The following ZNF521 variants were observed in gnomAD, a reference collection of about 807,000 sequenced individuals.
The protein encoded by ZNF521 is zinc finger protein 521.
Under a neutral mutation model 105.5 loss-of-function variants are expected in ZNF521, and 14 were observed. The ratio of observed to expected loss-of-function variants is 0.13; its 90% CI spans 0.09 to 0.21. ZNF521 has a LOEUF of 0.21. ZNF521 is among the 10% of genes least tolerant of loss of function. ZNF521 has a pLI of 1.00. For synonymous variants in ZNF521, 635 were observed against 606.0 expected, an observed-to-expected ratio of 1.05 and a Z score of -0.70; for missense variants, 1,233 against 1,629.7, an observed-to-expected ratio of 0.76 and a Z score of 4.19.
In ZNF521 at chr18:25,197,038, A is replaced by G. The variant is rs56791381; in HGVS notation, c.3574-1794T>C. Among the ~76,000 whole-genome samples, 945 of 151,908 alleles carry G rather than the reference A, an allele frequency of 6.2e-3. 7 individuals are homozygous for G. The highest frequency in any genetic ancestry group is 0.021 in the African/African-American group (890 of 41,502). On this transcript the variant is annotated intron_variant, in intron 4 of 7. Coordinates refer to ENST00000361524, the MANE Select transcript of ZNF521 (RefSeq NM_015461.3). ...GGGCTTTTTTTTCCCCAGTCTAATA[A>G]TAAAGAATAAAATCACTTGAAAAGC...
intron 3 of ZNF521, among the ~76,000 whole-genome samples, chr18:25,269,773 T>G (rs1909520741): frequency 6.6e-6 from 1 of 152,212 alleles, no homozygotes; most frequent in Non-Finnish European, 1.5e-5. Flanking sequence ...CCAGAATCTC[T>G]GGGACACATT....
chr18:25,328,842 G>A (rs532575678), intron 2 of ZNF521, among the ~76,000 whole-genome samples: 45 of 152,280 alleles, frequency 3.0e-4, no homozygotes, highest in African/African-American at 1.0e-3. Context: ...GTGAGCCATC[G>A]CGCTGGCCTA....
intron 5 of ZNF521, among the ~76,000 whole-genome samples, chr18:25,133,609 A>T (rs2034678983): frequency 6.6e-6 from 1 of 152,212 alleles, no homozygotes; most frequent in African/African-American, 2.4e-5. Context: ...GTGTATCTAA[A>T]CATATCCATA....
intron 2 of ZNF521, among the ~76,000 whole-genome samples, chr18:25,349,003 A>G (rs1914582360): frequency 6.6e-6 from 1 of 152,142 alleles, no homozygotes; most frequent in South Asian, 2.1e-4. Flanking sequence ...GGTGAACCAA[A>G]TGCTCAGAAG....
chr18:25,065,671 AATGTTTAAGTGCTT>A (rs2033040434), intron 7 of ZNF521, among the ~76,000 whole-genome samples: 1 of 152,304 alleles, frequency 6.6e-6, no homozygotes, highest in South Asian at 2.1e-4. Context: ...ATTATTTTCA[AATGTTTAAGTGCTT>A]ATGATGGACA....
At chr18:25,265,406 C>T (rs1909177929) in intron 3 of ZNF521, among the ~76,000 whole-genome samples, 1 of 152,182 alleles carries the variant, frequency 6.6e-6, no homozygotes, top group South Asian at 2.1e-4. Flanking sequence ...TGCTTTCTTT[C>T]CTGAACTTAA....
intron 7 of ZNF521, among the ~76,000 whole-genome samples, chr18:25,079,035 C>A (rs953984544): frequency 7.2e-5 from 11 of 152,228 alleles, no homozygotes; most frequent in Admixed American, 2.0e-4. Context: ...ATCACCACTG[C>A]TCTTTTAAGT....
At chr18:25,265,238 C>T (rs561432596) in intron 3 of ZNF521, among the ~76,000 whole-genome samples, 30 of 152,268 alleles carry the variant, frequency 2.0e-4, no homozygotes, top group African/African-American at 7.0e-4. Context: ...AAAATACTTG[C>T]TCAGGTGTTG....
chr18:25,267,999 T>C (rs1230212492), intron 3 of ZNF521, among the ~76,000 whole-genome samples: 1 of 152,204 alleles, frequency 6.6e-6, no homozygotes, highest in African/African-American at 2.4e-5. Flanking sequence ...TAAAGGAGCA[T>C]GTTCTAACCC....
chr18:25,254,367 T>C (rs1908329859), intron 3 of ZNF521, among the ~76,000 whole-genome samples: 1 of 152,084 alleles, frequency 6.6e-6, no homozygotes, highest in African/African-American at 2.4e-5. Context: ...ATCAACCAGG[T>C]AGAAAAAATG....
intron 5 of ZNF521, among the ~76,000 whole-genome samples, chr18:25,162,148 A>G (rs1357534280): frequency 6.6e-6 from 1 of 152,208 alleles, no homozygotes. Context: ...TGAAGAGAAC[A>G]ATGACTGTGT....
intron 1 of ZNF521, chr18:25,351,579 A>G (rs1914778020): frequency 5.2e-5 from 8 of 152,382 alleles, no homozygotes; most frequent in Admixed American, 5.2e-4. Flanking sequence ...AAGGTCTTGG[A>G]AAGAAAAATC....
At chr18:25,190,010 C>G (rs907421493) in intron 5 of ZNF521, among the ~76,000 whole-genome samples, 1 of 152,246 alleles carries the variant, frequency 6.6e-6, no homozygotes, top group Middle Eastern at 3.4e-3. Context: ...TCTCATCTCT[C>G]CTGTACAGAT....
intron 3 of ZNF521, among the ~76,000 whole-genome samples, chr18:25,312,817 C>CAAAA (rs11343299): frequency 9.9e-4 from 16 of 16,138 alleles, no homozygotes; most frequent in South Asian, 1.6e-3. Flanking sequence ...GACTCCGTCT[C>CAAAA]AAAAAAAAAA....
chr18:25,229,578 G>T (rs1247220708), intron 3 of ZNF521, among the ~76,000 whole-genome samples: 1 of 151,614 alleles, frequency 6.6e-6, no homozygotes, highest in Non-Finnish European at 1.5e-5. Flanking sequence ...ACTCAATAAT[G>T]ATCTAGTTTT....
At chr18:25,077,468 TG>T (rs1336928131) in intron 7 of ZNF521, among the ~76,000 whole-genome samples, 1 of 152,176 alleles carries the variant, frequency 6.6e-6, no homozygotes, top group Non-Finnish European at 1.5e-5. Flanking sequence ...TACCTTTTTA[TG>T]GGCCACATCC....
In ZNF521 at chr18:25,349,938, T is replaced by G. The variant is rs8087055; in HGVS notation, c.40+969A>C. ...GGCCCTCGCGCTCCGCCGCCCGCCC[T>G]CCCCGCTCTCCGCCTCGGAGCGCCG... On this transcript the variant is annotated intron_variant, in intron 2 of 7. Transcript: ENST00000361524. Among the ~76,000 whole-genome samples, 1,086 of 150,740 alleles carry G rather than the reference T, an allele frequency of 7.2e-3. 15 individuals are homozygous for G. Among genetic ancestry groups the G allele is most frequent in the African/African-American group, 0.025 (1,029 of 41,172 alleles).
At chr18:25,299,710 C>T (rs900382172) in intron 3 of ZNF521, among the ~76,000 whole-genome samples, 3 of 152,132 alleles carry the variant, frequency 2.0e-5, no homozygotes, top group Admixed American at 6.5e-5. Flanking sequence ...ACTCTATAAA[C>T]GCGACCCATG....
intron 5 of ZNF521, among the ~76,000 whole-genome samples, chr18:25,133,744 T>A (rs1331532554): frequency 6.6e-6 from 1 of 152,124 alleles, no homozygotes; most frequent in Non-Finnish European, 1.5e-5. Flanking sequence ...TTATTTTGAG[T>A]CGACAGCAGC....
Sources: gnomAD v4.1 joint callset for allele counts (sites outside exome capture counted in the v4.1 genomes callset) on GRCh38, gnomAD v4.1.1 for gene constraint, MANE v1.5 for transcripts, NCBI Gene and HGNC (gene_info 2026-07-23, HGNC 2026-07-21) for gene names.